Variants in WDR49 observed in about 807,000 individuals in gnomAD.
WDR49 encodes the protein WD repeat domain 49.
WDR49 carries 107 observed loss-of-function variants against 119.5 expected under a neutral mutation model. The ratio of observed to expected loss-of-function variants is 0.90; its 90% CI spans 0.77 to 1.05. The LOEUF (loss-of-function observed/expected upper bound fraction) is 1.05. Among genes scored for constraint, WDR49 ranks in the 50% least tolerant of loss-of-function variants. The pLI, the probability that WDR49 is intolerant of heterozygous loss-of-function variation, is 0.00. For synonymous variants in WDR49, 425 were observed against 418.8 expected (o/e 1.01, Z -0.18); for missense variants, 1,240 against 1,220.5 (o/e 1.02, Z -0.24).
intron 5 of WDR49, among the ~76,000 whole-genome samples, chr3:167,618,561 T>G (rs1436187473): frequency 3.9e-5 from 6 of 152,162 alleles, no homozygotes; most frequent in African/African-American, 1.4e-4. Flanking sequence ...ATAATACGAA[T>G]AAGATAGCAA....
intron 17 of WDR49, among the ~76,000 whole-genome samples, chr3:167,504,921 G>C (rs1426507092): frequency 6.6e-6 from 1 of 152,078 alleles, no homozygotes; most frequent in Non-Finnish European, 1.5e-5. Flanking sequence ...CTGTCACCCT[G>C]TGATGTGCTT....
chr3:167,567,697 A>C (rs1713687919), intron 8 of WDR49, among the ~76,000 whole-genome samples: 1 of 152,158 alleles, frequency 6.6e-6, no homozygotes, highest in African/African-American at 2.4e-5. Context: ...CCTTGTCTAG[A>C]GGCTAATTTA....
intron 17 of WDR49, among the ~76,000 whole-genome samples, chr3:167,502,149 G>C (rs1453791458): frequency 6.6e-6 from 1 of 152,090 alleles, no homozygotes; most frequent in Admixed American, 6.5e-5. Flanking sequence ...ACCACCCCCA[G>C]CTTGCTCCTA....
chr3:167,495,154 G>GA (rs1751304713), intron 18 of WDR49, among the ~76,000 whole-genome samples: 1 of 152,018 alleles, frequency 6.6e-6, no homozygotes, highest in Non-Finnish European at 1.5e-5. Context: ...AAACCAAGAG[G>GA]AAAAATATAT....
At chr3:167,482,081 A>T (rs1750734200) in intron 18 of WDR49, among the ~76,000 whole-genome samples, 1 of 152,230 alleles carries the variant, frequency 6.6e-6, no homozygotes, top group Non-Finnish European at 1.5e-5. Flanking sequence ...ACCAAGTGAT[A>T]TCCCAGTAAT....
intron 7 of WDR49, among the ~76,000 whole-genome samples, chr3:167,585,972 C>T (rs1714793696): frequency 1.3e-5 from 2 of 151,922 alleles, no homozygotes. Context: ...AATGAAAATC[C>T]TTTGTTTCTG....
chr3:167,573,093 T>C (rs1477816426), intron 8 of WDR49, among the ~76,000 whole-genome samples: 3 of 152,140 alleles, frequency 2.0e-5, no homozygotes, highest in African/African-American at 7.2e-5. Context: ...CTCTTTGGTA[T>C]GGGGGACTTT....
At chr3:167,546,560 C>T (rs1447939574) in intron 10 of WDR49, among the ~76,000 whole-genome samples, 1 of 151,692 alleles carries the variant, frequency 6.6e-6, no homozygotes, top group Non-Finnish European at 1.5e-5. Flanking sequence ...CCACATTTGC[C>T]ACCCTGAGAG....
chr3:167,485,251 T>C (rs1203470097), intron 18 of WDR49, among the ~76,000 whole-genome samples: 3 of 151,904 alleles, frequency 2.0e-5, no homozygotes, highest in African/African-American at 7.3e-5. Context: ...CATGTGGGGC[T>C]TAAAACATAG....
chr3:167,610,995 T>C (rs1205362415), intron 5 of WDR49, among the ~76,000 whole-genome samples: 3 of 152,214 alleles, frequency 2.0e-5, no homozygotes, highest in Non-Finnish European at 4.4e-5. Context: ...AATAGTCACC[T>C]GAAGGTACAA....
At position 167,531,128 on chromosome 3, in the gene WDR49, GT is replaced by G. The variant is rs770152639; in HGVS notation, c.2204del (p.Asn735ThrfsTer4). On this transcript the variant is annotated frameshift_variant, in exon 13 of 19. Coordinates refer to ENST00000682715, the MANE Select transcript of WDR49 (RefSeq NM_001366157.1). LOFTEE classifies it high-confidence loss of function. ...MRLCFLKARK[N>X]TAVTGGANLV... ...TATATATTTTACCTGTCACTGCAGT[GT>G]TTTTTCTTGCTTTAAGAAAGCAAAG... 14 of 1,611,436 alleles carry G rather than the reference GT, an allele frequency of 8.7e-6. No individual in the cohort carries two copies. In the South Asian group the frequency reaches 1.4e-4, roughly 17 times the overall value.
At chr3:167,547,529 C>A (rs1250911045) in intron 10 of WDR49, among the ~76,000 whole-genome samples, 1 of 151,724 alleles carries the variant, frequency 6.6e-6, no homozygotes, top group Non-Finnish European at 1.5e-5. Context: ...GATGTTCACT[C>A]TCACCAGCCC....
chr3:167,534,514 G>C (rs564146036), intron 11 of WDR49, among the ~76,000 whole-genome samples: 1 of 152,222 alleles, frequency 6.6e-6, no homozygotes, highest in Non-Finnish European at 1.5e-5. Flanking sequence ...TACAGAGTTG[G>C]CCTTACTAGA....
chr3:167,571,914 A>G (rs1275183919), intron 8 of WDR49, among the ~76,000 whole-genome samples: 1 of 152,220 alleles, frequency 6.6e-6, no homozygotes, highest in Non-Finnish European at 1.5e-5. Context: ...CAAGGTTCCC[A>G]ACAAACTGAA....
intron 2 of WDR49, among the ~76,000 whole-genome samples, chr3:167,645,396 G>C (rs1718073365): frequency 6.6e-6 from 1 of 151,888 alleles, no homozygotes; most frequent in Non-Finnish European, 1.5e-5. Flanking sequence ...TTTTTGTAGA[G>C]ATGGGATTTT....
chr3:167,578,152 T>A (rs1406513794), intron 7 of WDR49, among the ~76,000 whole-genome samples: 3 of 152,136 alleles, frequency 2.0e-5, no homozygotes, highest in Non-Finnish European at 4.4e-5. Flanking sequence ...ACCATTTCAA[T>A]ATCAGTTTTC....
At chr3:167,621,716 G>A (rs528447802) in intron 3 of WDR49, 73 bp from the exon 4 acceptor site, 82 of 1,373,680 alleles carry the variant, frequency 6.0e-5, no homozygotes, top group African/African-American at 4.5e-4. Context: ...AAGCAGACAC[G>A]CCACTCTAAT....
chr3:167,589,048 A>G (rs1341388745), intron 7 of WDR49, among the ~76,000 whole-genome samples: 1 of 152,060 alleles, frequency 6.6e-6, no homozygotes, highest in Non-Finnish European at 1.5e-5. Flanking sequence ...CAATGTTTTT[A>G]TTTAGCAGAT....
chr3:167,630,107 C>T (rs908113148), intron 2 of WDR49, among the ~76,000 whole-genome samples: 1 of 152,024 alleles, frequency 6.6e-6, no homozygotes, highest in Admixed American at 6.6e-5. Context: ...AGATCTCATG[C>T]TACAGAGAAA....
Sources: allele counts gnomAD v4.1 joint callset (sites outside exome capture counted in the v4.1 genomes callset), GRCh38; gene constraint gnomAD v4.1.1; transcripts MANE v1.5; gene names NCBI Gene and HGNC (gene_info 2026-07-23, HGNC 2026-07-21).